Variants in ZMIZ2 observed in about 807,000 individuals in gnomAD.
The protein encoded by ZMIZ2 is zinc finger MIZ domain-containing protein 2.
In ZMIZ2, 26 loss-of-function variants were observed where a neutral mutation model predicts 93.9. The ratio of observed to expected loss-of-function variants is 0.28; its 90% confidence interval spans 0.20 to 0.38. ZMIZ2 has a LOEUF of 0.38. Among genes scored for constraint, ZMIZ2 ranks in the 10% least tolerant of loss-of-function variants. The pLI is 1.00. For synonymous variants in ZMIZ2, 485 were observed against 516.4 expected, an observed-to-expected ratio of 0.94 and a Z score of 0.82; for missense variants, 1,023 against 1,235.0, an observed-to-expected ratio of 0.83 and a Z score of 2.57.
Position 44,769,493 on chromosome 7 carries a change from G to A in ZMIZ2, c.*1870G>A, listed in dbSNP as rs182230187. The A allele has an allele frequency of 1.3e-5, 2 of 152,762 alleles. No individual in the cohort carries two copies. Among genetic ancestry groups the A allele is most frequent in the Non-Finnish European group, 2.9e-5 (2 of 68,114 alleles). The allele number at this position is 152,762 out of a possible 1,614,324, so 9.5% of individuals were successfully genotyped here. On this transcript the variant is annotated 3_prime_UTR_variant, in exon 19 of 19. Transcript: ENST00000309315. Reference sequence around the variant, plus strand: ...TCTGGATGAGGGAACAGAAGTGGAGGAAACAAAAGAAGCAGCAGCACGCAC... The same window carrying A: ...TCTGGATGAGGGAACAGAAGTGGAGAAAACAAAAGAAGCAGCAGCACGCAC...
rs1791632364 is a variant in ZMIZ2 at position 44,765,623 on chromosome 7, A to G, written c.2242+44A>G. ...CCTTGAACCTCAGATGACCCTGGGC[A>G]TATGGCTCCTCTCCCCAGATCAGTC... On this transcript the variant is annotated intron_variant, in intron 16 of 18. Transcript: ENST00000309315. This position sits in a 1 kb window ranked among gnomAD's most constrained non-coding sequence, Gnocchi z 4.1. 1.9e-6 allele frequency: 3 copies of G among 1,566,898 alleles called. No homozygotes were observed. Among genetic ancestry groups the G allele is most frequent in the African/African-American group, 2.7e-5 (2 of 73,352 alleles).
chr7:44,762,055 C>A, intron 11 of ZMIZ2, 150 bp downstream of exon 11: 1 of 1,041,146 alleles, frequency 9.6e-7, no homozygotes, highest in East Asian at 3.1e-5. Flanking sequence ...GGCGGGCCGG[C>A]CTGCAGCACC....
intron 6 of ZMIZ2, 66 bp downstream of exon 6, chr7:44,758,174 AGCT>A: frequency 3.4e-6 from 5 of 1,464,754 alleles, no homozygotes; most frequent in Non-Finnish European, 4.5e-6. Context: ...CACTCTTTAG[AGCT>A]GTGGTAAAGA....
At chr7:44,767,413 C>T (rs915928630) in intron 18 of ZMIZ2, 103 bp from the exon 19 acceptor site, 2 of 1,009,876 alleles carry the variant, frequency 2.0e-6, no homozygotes, top group East Asian at 5.0e-5. Flanking sequence ...GCTCAGCATC[C>T]CCACTGTGCC....
At chr7:44,752,692 A>T (rs919745902) in intron 1 of ZMIZ2, among the ~76,000 whole-genome samples, 1 of 152,226 alleles carries the variant, frequency 6.6e-6, no homozygotes, top group African/African-American at 2.4e-5. Context: ...ATATATCAGT[A>T]GTTCATTCCT....
In ZMIZ2 at chr7:44,766,033, T is replaced by C; in HGVS notation, c.2243-131T>C. 2 of 1,450,662 alleles carry C rather than the reference T, an allele frequency of 1.4e-6. No individual in the cohort carries two copies. Among genetic ancestry groups the C allele is most frequent in the Non-Finnish European group, 1.8e-6 (2 of 1,109,628 alleles). The allele number at this position is 1,450,662 out of a possible 1,614,324, so 89.9% of individuals were successfully genotyped here. A position where few individuals can be genotyped will look rare whatever the true frequency, so the allele number is the denominator to read the frequency against. On this transcript the variant is annotated intron_variant, in intron 16 of 18. Transcript: ENST00000309315. This position sits in a 1 kb window ranked among gnomAD's most constrained non-coding sequence, Gnocchi z 4.4. ...ATGCCCTTTTCCAAATAGCGACTTCTGCAAAACCCGCTGTTGTTTGTGGGT... is the reference window on the plus strand; with the variant it reads ...ATGCCCTTTTCCAAATAGCGACTTCCGCAAAACCCGCTGTTGTTTGTGGGT...
In ZMIZ2 at chr7:44,759,273, T is replaced by C; in HGVS notation, c.814-8T>C. Reference sequence around the variant, plus strand: ...TTTCTCCCCTCGGGCATTTTGCCTCTTTTTCAGGTGTATCCAGGGCAGCAG... The same window carrying C: ...TTTCTCCCCTCGGGCATTTTGCCTCCTTTTCAGGTGTATCCAGGGCAGCAG... On this transcript the variant is annotated splice_polypyrimidine_tract_variant and splice_region_variant and intron_variant, in intron 6 of 18. Transcript: ENST00000309315. 6.7e-7 allele frequency: 1 copy of C among 1,497,418 alleles called. No individual in the cohort carries two copies. The highest frequency in any genetic ancestry group is 1.3e-5 in the South Asian group (1 of 77,450). The allele number at this position is 1,497,418 out of a possible 1,614,324, so 92.8% of individuals were successfully genotyped here. A position where few individuals can be genotyped will look rare whatever the true frequency, so the allele number is the denominator to read the frequency against.
Position 44,764,927 on chromosome 7 carries a change from T to G in ZMIZ2, c.1929-14T>G. On this transcript the variant is annotated splice_polypyrimidine_tract_variant and intron_variant, in intron 14 of 18. Transcript: ENST00000309315. Reference sequence around the variant, plus strand: ...TGCAAGGTCTCTGAGCTGTGTCCCTTTTTTTCCCCACAGCAAGACAGCTTT... The same window carrying G: ...TGCAAGGTCTCTGAGCTGTGTCCCTGTTTTTCCCCACAGCAAGACAGCTTT... The G allele has an allele frequency of 6.2e-7, 1 of 1,614,040 alleles. No homozygotes were observed. The highest frequency in any genetic ancestry group is 8.5e-7 in the Non-Finnish European group (1 of 1,179,960).
intron 1 of ZMIZ2, among the ~76,000 whole-genome samples, chr7:44,751,801 C>A (rs1790170807): frequency 6.6e-6 from 1 of 152,028 alleles, no homozygotes; most frequent in South Asian, 2.1e-4. Context: ...ACTAAAAATA[C>A]AAAAATTAGC....
Position 44,766,203 on chromosome 7 carries a change from TCCC to T in ZMIZ2, c.2283_2285del (p.Phe761_Pro762delinsLeu). The T allele has an allele frequency of 1.3e-6, 2 of 1,598,506 alleles. No individual in the cohort carries two copies. The highest frequency in any genetic ancestry group is 1.7e-6 in the Non-Finnish European group (2 of 1,167,532). On this transcript the variant is annotated inframe_deletion, in exon 17 of 19. Transcript: ENST00000309315. This position sits in a 1 kb window ranked among gnomAD's most constrained non-coding sequence, Gnocchi z 4.4. ...GGGCCTGGAACTTTCCCTGAGTCCT[TCCC>T]ACCCACCACGCCCAGCACCCCAACC...
Position 44,760,563 on chromosome 7 carries a change from A to T in ZMIZ2, c.1210A>T (p.Asn404Tyr). ...TCCCTTCTTGCCTGATCTCAAGCCC[A>T]ACCTCAACTCCTTGCACTCATCGCC... ...KSPFLPDLKP[N>Y]LNSLHSSPSG... The change falls in exon 9 of 19, where the codon AAC becomes TAC. Residue 404 changes from asparagine (N) to tyrosine (Y), a missense_variant. This residue lies in a region of ZMIZ2 where 656 missense variants were observed against 777.1 expected (regional missense o/e 0.84). Transcript: ENST00000309315. 1.2e-6 allele frequency: 2 copies of T among 1,614,028 alleles called. No individual in the cohort carries two copies. Among genetic ancestry groups the T allele is most frequent in the South Asian group, 2.2e-5 (2 of 91,074 alleles).
At position 44,761,439 on chromosome 7, in the gene ZMIZ2, C is replaced by G; in HGVS notation, c.1241-10C>G. The G allele has an allele frequency of 6.2e-7, 1 of 1,611,908 alleles. No individual in the cohort carries two copies. The highest frequency in any genetic ancestry group is 1.6e-4 in the Middle Eastern group (1 of 6,062). Reference sequence around the variant, plus strand: ...CAACCCAGCTCACAGCCAGTGGCCTCTGCTCCCAGGAAGCGGGCCTTGTGA... The same window carrying G: ...CAACCCAGCTCACAGCCAGTGGCCTGTGCTCCCAGGAAGCGGGCCTTGTGA... On this transcript the variant is annotated splice_polypyrimidine_tract_variant and intron_variant, in intron 9 of 18. Transcript: ENST00000309315. The surrounding 1 kb of genome is among the most constrained non-coding windows in gnomAD (Gnocchi z 5.8).
At chr7:44,759,512 G>C (rs765067020) in intron 7 of ZMIZ2, 52 bp downstream of exon 7, 30 of 1,356,330 alleles carry the variant, frequency 2.2e-5, no homozygotes, top group Non-Finnish European at 2.7e-5. Flanking sequence ...GAGTGCTGTG[G>C]GACAGGGGAC....
Position 44,763,151 on chromosome 7 carries a change from G to A in ZMIZ2, c.1703-105G>A. On this transcript the variant is annotated intron_variant, in intron 12 of 18. Coordinates refer to ENST00000309315, the MANE Select transcript of ZMIZ2 (RefSeq NM_031449.4). This position sits in a 1 kb window ranked among gnomAD's most constrained non-coding sequence, Gnocchi z 5.6. ...GGTTAGTTCCAGGTGGCCCCTCAGA[G>A]CTGTCAGTGGGTCAGTGACTGGGTC... is the stretch of plus-strand genomic sequence containing the variant. 3 of 1,530,066 alleles carry A rather than the reference G, an allele frequency of 2.0e-6. No individual in the cohort carries two copies. Among genetic ancestry groups the A allele is most frequent in the Non-Finnish European group, 2.7e-6 (3 of 1,124,354 alleles). 94.8% of individuals were successfully genotyped at this position (1,530,066 alleles called of 1,614,324 possible).
chr7:44,761,468 G>T lies in ZMIZ2; in HGVS notation c.1260G>T (p.Glu420Asp). 6.2e-7 allele frequency: 1 copy of T among 1,613,690 alleles called. No individual in the cohort carries two copies. Among genetic ancestry groups the T allele is most frequent in the Non-Finnish European group, 8.5e-7 (1 of 1,180,038 alleles). Residue 420 changes from glutamate (E) to aspartate (D), a missense_variant, in exon 10 of 19, where the codon GAG becomes GAT. Around this residue, in one of 3 missense-constraint regions of ZMIZ2, gnomAD observed 656 missense variants for 777.1 expected, o/e 0.84. Transcript: ENST00000309315. The surrounding 1 kb of genome is among the most constrained non-coding windows in gnomAD (Gnocchi z 5.8). ...TCCCAGGAAGCGGGCCTTGTGACGA[G>T]TTGCGGCTGACCTTCCCTGTGCGCG... ...SSPSGSGPCD[E>D]LRLTFPVRDG...
At chr7:44,756,671 A>T in intron 3 of ZMIZ2, 132 bp downstream of exon 3, 2 of 995,230 alleles carry the variant, frequency 2.0e-6, no homozygotes, top group Non-Finnish European at 3.0e-6. Context: ...GGCATGACAT[A>T]TGAGGATGGG....
rs771362043 is a variant in ZMIZ2, at chr7:44,760,129, C to G, written c.994-22C>G. ...AGGGGTCAGGTTGGAGCCCCAGGTG[C>G]ATGCAGTTTTCTCTCCCGCAGCCCA... On this transcript the variant is annotated intron_variant, in intron 7 of 18. Transcript: ENST00000309315. The G allele has an allele frequency of 3.7e-6, 6 of 1,613,820 alleles. No homozygotes were observed. The East Asian group carries it at 1.3e-4, about 36-fold the overall frequency.
At position 44,765,299 on chromosome 7, in the gene ZMIZ2, C is replaced by T. The variant is rs768996814; in HGVS notation, c.1998-36C>T. 24 of 1,606,360 alleles carry T rather than the reference C, an allele frequency of 1.5e-5. No individual in the cohort carries two copies. Among genetic ancestry groups the T allele is most frequent in the Non-Finnish European group, 2.0e-5 (23 of 1,175,646 alleles). On this transcript the variant is annotated intron_variant, in intron 15 of 18. Coordinates refer to ENST00000309315, the MANE Select transcript of ZMIZ2 (RefSeq NM_031449.4). This position sits in a 1 kb window ranked among gnomAD's most constrained non-coding sequence, Gnocchi z 4.1. Reference sequence around the variant, plus strand: ...CAGTGGGTGCCGGGCCAGCAGCAGGCCAGGAGGTAACCATTCCCCACCTGT... The same window carrying T: ...CAGTGGGTGCCGGGCCAGCAGCAGGTCAGGAGGTAACCATTCCCCACCTGT...
In ZMIZ2 at chr7:44,765,407, C is replaced by A. The variant is rs780448939; in HGVS notation, c.2070C>A (p.His690Gln). ...CAGTGCCCGTGAAGCCTGACATGCA[C>A]ATCAAGGAGGAGCCGGATGGGCCAG... is the stretch of plus-strand genomic sequence containing the variant. ...WKPVPVKPDM[H>Q]IKEEPDGPAL... The change falls in exon 16 of 19, where the codon CAC becomes CAA. Residue 690 changes from histidine to glutamine, a missense_variant. Around this residue, in one of 3 missense-constraint regions of ZMIZ2, gnomAD observed 319 missense variants for 358.8 expected, o/e 0.89. Coordinates refer to ENST00000309315, the MANE Select transcript of ZMIZ2 (RefSeq NM_031449.4). The surrounding 1 kb of genome is among the most constrained non-coding windows in gnomAD (Gnocchi z 4.1). 4.6e-5 allele frequency: 74 copies of A among 1,612,674 alleles called. No homozygotes were observed. The highest frequency in any genetic ancestry group is 6.0e-5 in the Non-Finnish European group (71 of 1,180,014).
Sources: allele counts gnomAD v4.1 joint callset (sites outside exome capture counted in the v4.1 genomes callset), GRCh38; gene constraint gnomAD v4.1.1; regional missense constraint gnomAD v4.1.1; non-coding constraint Gnocchi (gnomAD v3.1); transcripts MANE v1.5; gene names NCBI Gene and HGNC (gene_info 2026-07-23, HGNC 2026-07-21).